ZMYM4: variants seen among roughly 807,000 people sequenced by gnomAD.
The protein encoded by ZMYM4 is zinc finger MYM-type containing 4.
ZMYM4 carries 31 observed loss-of-function variants against 183.2 expected under a neutral mutation model. The ratio of observed to expected loss-of-function variants is 0.17; its 90% CI spans 0.13 to 0.23. ZMYM4 has a LOEUF of 0.23. Among genes scored for constraint, ZMYM4 ranks in the 10% least tolerant of loss-of-function variants. The probability of loss-of-function intolerance (pLI) is 1.00; values close to 1 mark genes in which losing one functional copy is unlikely to be tolerated. For missense variants in ZMYM4, 1,273 were observed against 1,840.3 expected (o/e 0.69, Z 5.64); for synonymous variants, 592 against 631.2 (o/e 0.94, Z 0.93).
At chr1:35,308,716 C>T (rs940623203) in intron 1 of ZMYM4, among the ~76,000 whole-genome samples, 1 of 152,076 alleles carries the variant, frequency 6.6e-6, no homozygotes, top group African/African-American at 2.4e-5. Flanking sequence ...CAAAAATTAG[C>T]TGGGCATGGT....
intron 17 of ZMYM4, 57 bp from the exon 18 acceptor site, chr1:35,393,538 A>C (rs1386238455): frequency 6.3e-5 from 91 of 1,436,270 alleles, no homozygotes; most frequent in Non-Finnish European, 6.5e-6. Context: ...AATATTTCTT[A>C]TAATTACAAT....
chr1:35,386,425 G>A (rs778685841), intron 11 of ZMYM4, among the ~76,000 whole-genome samples: 3 of 152,162 alleles, frequency 2.0e-5, no homozygotes, highest in Non-Finnish European at 4.4e-5. Context: ...GGGCTCAAGA[G>A]GAAGAGAGAG....
At position 35,284,817 on chromosome 1, in the gene ZMYM4, G is replaced by C. The variant is rs541295603; in HGVS notation, c.39+15732G>C. 1.1e-3 allele frequency among the ~76,000 whole-genome samples: 168 copies of C among 152,150 alleles called. 1 individual carries two copies. Among genetic ancestry groups the C allele is most frequent in the African/African-American group, 3.9e-3 (162 of 41,494 alleles). Reference sequence around the variant, plus strand: ...AGGTGAGAGAGAGTGTAAGCTTTCTGGTGTTTCTTCTTAGAAGGGCATTAA... The same window carrying C: ...AGGTGAGAGAGAGTGTAAGCTTTCTCGTGTTTCTTCTTAGAAGGGCATTAA... On this transcript the variant is annotated intron_variant, in intron 1 of 29. Coordinates refer to ENST00000314607, the MANE Select transcript of ZMYM4 (RefSeq NM_005095.3).
chr1:35,382,578 G>T (rs1644489217), intron 9 of ZMYM4, among the ~76,000 whole-genome samples: 2 of 151,368 alleles, frequency 1.3e-5, no homozygotes, highest in African/African-American at 2.4e-5. Flanking sequence ...AAGTAGCTAG[G>T]ATTACAGGCG....
chr1:35,284,888 C>A (rs759169121), intron 1 of ZMYM4, among the ~76,000 whole-genome samples: 128 of 152,232 alleles, frequency 8.4e-4, no homozygotes, highest in Non-Finnish European at 3.7e-4. Flanking sequence ...TAGCTGATTA[C>A]CTTTTAAAGT....
Position 35,419,514 on chromosome 1 carries a change from C to A in ZMYM4, c.4484C>A (p.Pro1495His). 6.2e-7 allele frequency: 1 copy of A among 1,613,864 alleles called. No individual in the cohort carries two copies. Among genetic ancestry groups the A allele is most frequent in the Non-Finnish European group, 8.5e-7 (1 of 1,179,972 alleles). The change falls in exon 30 of 30, where the codon CCT (proline) becomes CAT (histidine). Residue 1495 changes from proline (P) to histidine (H), a missense_variant. Pro to His is a moderately conservative substitution (Grantham distance 77). Coordinates refer to ENST00000314607, the MANE Select transcript of ZMYM4 (RefSeq NM_005095.3). Reference protein sequence around the residue: ...KQRNDVFYLQPERSCVPNSPM... With the variant: ...KQRNDVFYLQHERSCVPNSPM... ...AGGAATGATGTGTTTTACCTTCAAC[C>A]TGAGCGCTCCTGTGTCCCGAATAGC...
intron 2 of ZMYM4, among the ~76,000 whole-genome samples, chr1:35,335,545 G>A (rs565112302): frequency 1.8e-4 from 27 of 152,160 alleles, no homozygotes; most frequent in African/African-American, 5.5e-4. Context: ...GGCCCTCATT[G>A]CGTATTTCTG....
At chr1:35,338,443 CT>C (rs1269640182) in intron 2 of ZMYM4, among the ~76,000 whole-genome samples, 1 of 152,032 alleles carries the variant, frequency 6.6e-6, no homozygotes, top group Non-Finnish European at 1.5e-5. Context: ...AGAGGGCTGA[CT>C]TTTTTTTCAT....
Position 35,392,308 on chromosome 1 carries a change from C to T in ZMYM4, c.2684C>T (p.Ala895Val). The T allele has an allele frequency of 1.2e-6, 2 of 1,614,168 alleles. No individual in the cohort carries two copies. Among genetic ancestry groups the T allele is most frequent in the Admixed American group, 1.7e-5 (1 of 60,028 alleles). Residue 895 changes from alanine to valine, a missense_variant, in exon 16 of 30, where the codon GCC becomes GTC. Around this residue, in one of 6 missense-constraint regions of ZMYM4, gnomAD observed 290 missense variants for 353.3 expected, o/e 0.82. Transcript: ENST00000314607. Reference protein sequence around the residue: ...VIANVVSLASAPAAQPTVNSN... With the variant: ...VIANVVSLASVPAAQPTVNSN... The stretch of plus-strand genomic sequence containing the variant: ...GCCAATGTAGTATCATTGGCAAGTG[C>T]CCCTGCTGCTCAGCCTACAGTGAAT...
In ZMYM4 at chr1:35,390,961, A is replaced by T. The variant is rs1249966241; in HGVS notation, c.2587+863A>T. 1.3e-5 allele frequency among the ~76,000 whole-genome samples: 2 copies of T among 152,092 alleles called. 1 individual carries two copies. The highest frequency in any genetic ancestry group is 2.9e-5 in the Non-Finnish European group (2 of 68,014). Reference sequence around the variant, plus strand: ...GGTGGGAGGACGGCTTGAGGCCAGGAGTTCAGGGGTGGAGTGAGCGGTGAC... The same window carrying T: ...GGTGGGAGGACGGCTTGAGGCCAGGTGTTCAGGGGTGGAGTGAGCGGTGAC... On this transcript the variant is annotated intron_variant, in intron 15 of 29. Coordinates refer to ENST00000314607, the MANE Select transcript of ZMYM4 (RefSeq NM_005095.3).
chr1:35,313,576 G>T (rs1000650408), intron 1 of ZMYM4, among the ~76,000 whole-genome samples: 1 of 150,370 alleles, frequency 6.7e-6, no homozygotes, highest in Admixed American at 6.6e-5. Context: ...TTTAGTAAAG[G>T]TGGGTTTTCA....
intron 2 of ZMYM4, among the ~76,000 whole-genome samples, chr1:35,349,372 A>G (rs1310018375): frequency 1.3e-5 from 2 of 152,194 alleles, no homozygotes; most frequent in African/African-American, 2.4e-5. Context: ...GTGCTTTTGT[A>G]TGTCTCAAGT....
chr1:35,297,719 C>A (rs967806515), intron 1 of ZMYM4, among the ~76,000 whole-genome samples: 13 of 152,146 alleles, frequency 8.5e-5, no homozygotes, highest in African/African-American at 3.1e-4. Context: ...TTCATCATCA[C>A]CAACCACAGG....
chr1:35,401,191 T>C (rs75636901), intron 23 of ZMYM4, among the ~76,000 whole-genome samples: 1,828 of 152,316 alleles, frequency 0.012, 39 homozygotes, highest in African/African-American at 0.042. Flanking sequence ...TTTAACTTTG[T>C]AAGAAAGCTG....
chr1:35,352,260 C>T (rs949930520), intron 2 of ZMYM4, among the ~76,000 whole-genome samples: 4 of 59,956 alleles, frequency 6.7e-5, no homozygotes, highest in African/African-American at 2.5e-4. Flanking sequence ...TTAGCGCGCA[C>T]GCGCGCGCGC....
rs553236917 is a variant in ZMYM4, at chr1:35,299,329, C to G, written c.40-26031C>G. ...CTTGAACAAAGAATTGGACAAAACA[C>G]ACAAACAAAGCGGGAAAAGAATGAA... is the stretch of plus-strand genomic sequence containing the variant. On this transcript the variant is annotated intron_variant, in intron 1 of 29. Coordinates refer to ENST00000314607, the MANE Select transcript of ZMYM4 (RefSeq NM_005095.3). Among the ~76,000 whole-genome samples the G allele has an allele frequency of 6.6e-5, 10 of 152,024 alleles. No individual in the cohort carries two copies. In the South Asian group the frequency reaches 2.1e-3, roughly 32 times the overall value.
At position 35,291,566 on chromosome 1, in the gene ZMYM4, T is replaced by G. The variant is rs144395895; in HGVS notation, c.39+22481T>G. 8.5e-5 allele frequency among the ~76,000 whole-genome samples: 13 copies of G among 152,178 alleles called. 2 individuals are homozygous for G. The highest frequency in any genetic ancestry group is 2.6e-4 in the African/African-American group (11 of 41,546). On this transcript the variant is annotated intron_variant, in intron 1 of 29. Transcript: ENST00000314607. Reference sequence around the variant, plus strand: ...CTTCCTTCAAGAACCAGCTTTTTCTTTCTTTTCCCTTTTGTCTCCAGACAT... The same window carrying G: ...CTTCCTTCAAGAACCAGCTTTTTCTGTCTTTTCCCTTTTGTCTCCAGACAT...
chr1:35,301,621 C>G (rs904003989), intron 1 of ZMYM4, among the ~76,000 whole-genome samples: 1 of 151,712 alleles, frequency 6.6e-6, no homozygotes, highest in African/African-American at 2.4e-5. Flanking sequence ...TGTATAAACT[C>G]TAGGAATTGT....
chr1:35,379,516 G>T (rs981210899), intron 7 of ZMYM4, among the ~76,000 whole-genome samples: 1 of 152,214 alleles, frequency 6.6e-6, no homozygotes, highest in African/African-American at 2.4e-5. Context: ...CATTACAGGC[G>T]TGAGCCGCCA....
Sources: gnomAD v4.1 joint callset for allele counts (sites outside exome capture counted in the v4.1 genomes callset) on GRCh38, gnomAD v4.1.1 for gene constraint, gnomAD v4.1.1 regional missense constraint, MANE v1.5 for transcripts, NCBI Gene and HGNC (gene_info 2026-07-23, HGNC 2026-07-21) for gene names.